The following RORA variants were observed in gnomAD, a reference collection of about 807,000 sequenced individuals.
RORA encodes the protein nuclear receptor ROR-alpha.
RORA carries 7 observed loss-of-function variants against 69.5 expected under a neutral mutation model. That is an observed-to-expected ratio of 0.10 (90% confidence interval 0.06 to 0.19). The LOEUF (loss-of-function observed/expected upper bound fraction) is 0.19, where lower values mean the gene tolerates loss of function less well. Among genes scored for constraint, RORA ranks in the 10% least tolerant of loss-of-function variants. The pLI is 1.00. For synonymous variants in RORA, 261 were observed against 240.8 expected (o/e 1.08, Z -0.78); for missense variants, 457 against 663.0 (o/e 0.69, Z 3.41).
At chr15:60,914,325 G>A (rs1891809195) in intron 1 of RORA, among the ~76,000 whole-genome samples, 2 of 151,982 alleles carry the variant, frequency 1.3e-5, no homozygotes, top group Non-Finnish European at 1.5e-5. Flanking sequence ...GAGGTGAGGG[G>A]GAATGCAGGC....
chr15:61,123,547 A>C (rs1268957967), intron 1 of RORA, among the ~76,000 whole-genome samples: 1 of 152,154 alleles, frequency 6.6e-6, no homozygotes. Context: ...GCAAATTGGG[A>C]ATGTTCTCAC....
intron 1 of RORA, among the ~76,000 whole-genome samples, chr15:60,771,733 A>C (rs1305717264): frequency 1.3e-5 from 2 of 152,240 alleles, no homozygotes; most frequent in Non-Finnish European, 2.9e-5. Flanking sequence ...GGACAAGTGA[A>C]TAATAAGTAA....
chr15:60,581,400 A>G (rs2068190354), intron 2 of RORA, among the ~76,000 whole-genome samples: 1 of 152,222 alleles, frequency 6.6e-6, no homozygotes, highest in Admixed American at 6.5e-5. Context: ...TTTCTATCAA[A>G]CCAATTGTTT....
intron 2 of RORA, among the ~76,000 whole-genome samples, chr15:60,579,072 T>G (rs2068114862): frequency 6.7e-6 from 1 of 150,360 alleles, no homozygotes; most frequent in African/African-American, 2.4e-5. Flanking sequence ...CGGTTTTTTT[T>G]TTTTTTTTTT....
At chr15:60,637,409 CT>C (rs2069860652) in intron 2 of RORA, among the ~76,000 whole-genome samples, 1 of 151,994 alleles carries the variant, frequency 6.6e-6, no homozygotes, top group Non-Finnish European at 1.5e-5. Flanking sequence ...TGTTTATGAT[CT>C]TTTTTGACAT....
chr15:60,828,992 C>T (rs754231096), intron 1 of RORA, among the ~76,000 whole-genome samples: 2 of 152,186 alleles, frequency 1.3e-5, no homozygotes, highest in Non-Finnish European at 2.9e-5. Context: ...TCAGGTGTCC[C>T]TCTCCCCCTA....
intron 1 of RORA, among the ~76,000 whole-genome samples, chr15:61,216,052 A>AT (rs2080037921): frequency 6.6e-6 from 1 of 152,252 alleles, no homozygotes; most frequent in African/African-American, 2.4e-5. Context: ...TTTCACAGCC[A>AT]TCTCAGAAAG....
intron 1 of RORA, among the ~76,000 whole-genome samples, chr15:60,914,347 G>C (rs1381672861): frequency 6.6e-6 from 1 of 152,164 alleles, no homozygotes; most frequent in East Asian, 1.9e-4. Flanking sequence ...CCTAGCCACA[G>C]AGAATGAATT....
At chr15:61,205,984 C>T (rs1466100639) in intron 1 of RORA, among the ~76,000 whole-genome samples, 1 of 152,190 alleles carries the variant, frequency 6.6e-6, no homozygotes, top group African/African-American at 2.4e-5. Context: ...GTCCTCTAAT[C>T]TGCAACATGG....
At chr15:60,961,448 CA>C (rs1275295696) in intron 1 of RORA, among the ~76,000 whole-genome samples, 2 of 152,138 alleles carry the variant, frequency 1.3e-5, no homozygotes, top group African/African-American at 4.8e-5. Flanking sequence ...AAAAAGGTAA[CA>C]AGAAGAAAAT....
At chr15:61,029,907 T>C (rs1595892690) in intron 1 of RORA, among the ~76,000 whole-genome samples, 2 of 152,190 alleles carry the variant, frequency 1.3e-5, no homozygotes, top group South Asian at 4.2e-4. Flanking sequence ...GGGCTTGAGA[T>C]GGGGATCTGT....
intron 1 of RORA, among the ~76,000 whole-genome samples, chr15:60,928,943 C>A (rs1171562431): frequency 2.0e-5 from 3 of 152,044 alleles, no homozygotes; most frequent in Non-Finnish European, 4.4e-5. Flanking sequence ...TCTTTTCTTT[C>A]TTTCTTCTTC....
At chr15:61,225,912 G>C (rs1282441729) in intron 1 of RORA, among the ~76,000 whole-genome samples, 5 of 152,026 alleles carry the variant, frequency 3.3e-5, no homozygotes, top group African/African-American at 9.7e-5. Flanking sequence ...TGTTAAGATG[G>C]AACTGAGTGA....
intron 1 of RORA, among the ~76,000 whole-genome samples, chr15:61,078,476 G>A (rs2078488055): frequency 6.6e-6 from 1 of 152,122 alleles, no homozygotes; most frequent in Non-Finnish European, 1.5e-5. Flanking sequence ...TGGGATTACA[G>A]GCATGAGCTA....
At chr15:60,614,259 C>G (rs144009958) in intron 2 of RORA, among the ~76,000 whole-genome samples, 5 of 152,198 alleles carry the variant, frequency 3.3e-5, no homozygotes, top group South Asian at 2.1e-4. Flanking sequence ...TCCTCCTAAT[C>G]GCACAGAGGA....
chr15:60,926,813 A>G (rs2140495526), intron 1 of RORA, among the ~76,000 whole-genome samples: 1 of 152,350 alleles, frequency 6.6e-6, no homozygotes, highest in Admixed American at 6.5e-5. Context: ...AAGCTACTAT[A>G]TCATTGACTA....
chr15:60,921,581 T>A (rs2140489902), intron 1 of RORA, among the ~76,000 whole-genome samples: 1 of 152,332 alleles, frequency 6.6e-6, no homozygotes, highest in South Asian at 2.1e-4. Context: ...CTATTCCATT[T>A]CTTTATGTGG....
At chr15:61,014,800 T>C (rs1351567641) in intron 1 of RORA, among the ~76,000 whole-genome samples, 4 of 152,098 alleles carry the variant, frequency 2.6e-5, no homozygotes, top group Non-Finnish European at 4.4e-5. Flanking sequence ...GAAAGACAAA[T>C]GGGTGGTCAA....
chr15:60,665,656 C>T (rs1337794646), intron 2 of RORA, among the ~76,000 whole-genome samples: 1 of 152,150 alleles, frequency 6.6e-6, no homozygotes, highest in Non-Finnish European at 1.5e-5. Context: ...ATGCAAATCT[C>T]ACAATATAAT....
Sources: gnomAD v4.1 joint callset for allele counts (sites outside exome capture counted in the v4.1 genomes callset) on GRCh38, gnomAD v4.1.1 for gene constraint, MANE v1.5 for transcripts, NCBI Gene and HGNC (gene_info 2026-07-23, HGNC 2026-07-21) for gene names.